UBN2: variants seen among roughly 807,000 people sequenced by gnomAD.
The protein encoded by UBN2 is ubinuclein 2, also known as ubinuclein-2.
UBN2 carries 35 observed loss-of-function variants against 120.2 expected under a neutral mutation model. That is an observed-to-expected ratio of 0.29 (90% CI 0.22 to 0.39). UBN2 has a LOEUF of 0.39. Ranked by LOEUF, UBN2 falls within the 10% of genes least tolerant of loss-of-function variation. The pLI is 1.00. For synonymous variants in UBN2, 661 were observed against 648.7 expected, an observed-to-expected ratio of 1.02 and a Z score of -0.29; for missense variants, 1,693 against 1,663.2, an observed-to-expected ratio of 1.02 and a Z score of -0.31.
chr7:139,296,095 C>T (rs1798102430), intron 17 of UBN2, among the ~76,000 whole-genome samples: 1 of 152,126 alleles, frequency 6.6e-6, no homozygotes, highest in South Asian at 2.1e-4. Context: ...TTTTTAATGA[C>T]TTCATATGAG....
intron 2 of UBN2, among the ~76,000 whole-genome samples, chr7:139,246,344 G>A (rs909880260): frequency 1.3e-5 from 2 of 152,100 alleles, no homozygotes; most frequent in Non-Finnish European, 2.9e-5. Flanking sequence ...CAGCCTGAGC[G>A]GCAACAGAGT....
At chr7:139,235,040 C>G (rs973287871) in intron 1 of UBN2, among the ~76,000 whole-genome samples, 8 of 151,846 alleles carry the variant, frequency 5.3e-5, no homozygotes, top group Non-Finnish European at 1.2e-4. Context: ...AGTCCATTTT[C>G]TTAAATTTGT....
chr7:139,321,980 G>T, the UBN2 span, among the ~76,000 whole-genome samples: 1 of 151,984 alleles, frequency 6.6e-6, no homozygotes, highest in African/African-American at 2.4e-5. Flanking sequence ...TAGAAAAAGA[G>T]ACTTTTTTTT....
the UBN2 span, among the ~76,000 whole-genome samples, chr7:139,329,812 A>G: frequency 2.0e-5 from 3 of 152,076 alleles, no homozygotes; most frequent in Non-Finnish European, 4.4e-5. Context: ...AGGATTTAGC[A>G]CCAACAAACT....
intron 7 of UBN2, among the ~76,000 whole-genome samples, chr7:139,267,189 AAAT>A (rs1266992626): frequency 6.6e-6 from 1 of 152,186 alleles, no homozygotes; most frequent in East Asian, 1.9e-4. Flanking sequence ...TCTCTGGTGA[AAAT>A]AATGTTTGCT....
chr7:139,237,995 A>G (rs894843965), intron 2 of UBN2, among the ~76,000 whole-genome samples: 7 of 152,200 alleles, frequency 4.6e-5, no homozygotes, highest in Non-Finnish European at 1.0e-4. Context: ...TACAAAAACA[A>G]TTTTTAATTA....
chr7:139,254,210 T>G (rs1047280860), intron 3 of UBN2, among the ~76,000 whole-genome samples: 1 of 152,060 alleles, frequency 6.6e-6, no homozygotes, highest in South Asian at 2.1e-4. Context: ...GGAGAATGGC[T>G]TGAACCCGGG....
intron 17 of UBN2, among the ~76,000 whole-genome samples, chr7:139,295,342 TTAAATATC>T (rs1165315281): frequency 1.3e-5 from 2 of 152,296 alleles, no homozygotes; most frequent in African/African-American, 4.8e-5. Flanking sequence ...TCTGACTAGT[TTAAATATC>T]TAAAGAGAAT....
At chr7:139,266,951 A>G (rs1775043287) in intron 7 of UBN2, among the ~76,000 whole-genome samples, 1 of 152,220 alleles carries the variant, frequency 6.6e-6, no homozygotes, top group African/African-American at 2.4e-5. Context: ...GATATATAAT[A>G]TAGATTGTAT....
chr7:139,286,602 T>G lies in UBN2; in HGVS notation c.3669+2028T>G, dbSNP rs1164714134. The stretch of plus-strand genomic sequence containing the variant: ...TTGTAGGTACTTTTTAAGACTTTTT[T>G]CAACAAAATGTGTTTTGTATAATAT... On this transcript the variant is annotated intron_variant, in intron 15 of 17. Transcript: ENST00000473989. 4.6e-5 allele frequency among the ~76,000 whole-genome samples: 7 copies of G among 152,218 alleles called. 1 individual carries two copies. Among genetic ancestry groups the G allele is most frequent in the African/African-American group, 1.7e-4 (7 of 41,468 alleles).
downstream of UBN2, among the ~76,000 whole-genome samples, chr7:139,312,231 C>T (rs1290081908): frequency 2.6e-5 from 4 of 152,148 alleles, no homozygotes; most frequent in East Asian, 1.9e-4. Context: ...CCCCTTGTTT[C>T]GCAGGCATTC....
At chr7:139,240,454 A>ATATAT (rs371717591) in intron 2 of UBN2, among the ~76,000 whole-genome samples, 1,264 of 123,078 alleles carry the variant, frequency 0.01, 8 homozygotes, top group Non-Finnish European at 0.015. Context: ...ATATATATAT[A>ATATAT]TTTTTTTTTT....
intron 2 of UBN2, among the ~76,000 whole-genome samples, chr7:139,248,469 A>T (rs1017881229): frequency 4.6e-5 from 7 of 152,180 alleles, no homozygotes; most frequent in Non-Finnish European, 1.0e-4. Flanking sequence ...AATTCAAATT[A>T]AATTCCTCTA....
chr7:139,252,125 A>G (rs913137570), intron 3 of UBN2, 68 bp downstream of exon 3: 7 of 1,317,468 alleles, frequency 5.3e-6, no homozygotes, highest in Non-Finnish European at 7.7e-6. Context: ...GTCAAGGGTA[A>G]AGTAACTTAA....
intron 13 of UBN2, among the ~76,000 whole-genome samples, chr7:139,281,350 C>T (rs1320542319): frequency 1.3e-5 from 2 of 151,996 alleles, no homozygotes; most frequent in African/African-American, 4.8e-5. Context: ...GAAATGCCTA[C>T]AAAAGAAAAT....
the UBN2 span, among the ~76,000 whole-genome samples, chr7:139,316,489 C>T: frequency 8.5e-5 from 13 of 152,156 alleles, no homozygotes; most frequent in African/African-American, 2.9e-4. Flanking sequence ...ATTTCATGGC[C>T]GTGCACGGTG....
intron 7 of UBN2, 31 bp downstream of exon 7, chr7:139,266,434 T>A: frequency 3.9e-6 from 5 of 1,266,652 alleles, no homozygotes; most frequent in African/African-American, 1.5e-5. Context: ...AAAAAAACCT[T>A]AAGAATGATA....
intron 15 of UBN2, among the ~76,000 whole-genome samples, chr7:139,289,413 G>GTTTTTTTTTT (rs1797880317): frequency 7.7e-6 from 1 of 130,224 alleles, no homozygotes; most frequent in African/African-American, 3.2e-5. Flanking sequence ...TTTACATTTT[G>GTTTTTTTTTT]CTTTTTTTTT....
At chr7:139,259,533 C>CTTA (rs1343545081) in intron 5 of UBN2, among the ~76,000 whole-genome samples, 163 bp downstream of exon 5, 1 of 152,114 alleles carries the variant, frequency 6.6e-6, no homozygotes, top group African/African-American at 2.4e-5. Context: ...AGTATTTGTT[C>CTTA]TTAAGTAGAA....
Sources: gnomAD v4.1 joint callset for allele counts (sites outside exome capture counted in the v4.1 genomes callset) on GRCh38, gnomAD v4.1.1 for gene constraint, MANE v1.5 for transcripts, NCBI Gene and HGNC (gene_info 2026-07-23, HGNC 2026-07-21) for gene names.